ZC2HC1A: variants seen among roughly 807,000 people sequenced by gnomAD.
The protein encoded by ZC2HC1A is zinc finger C2HC domain-containing protein 1A.
ZC2HC1A carries 28 observed loss-of-function variants against 40.7 expected under a neutral mutation model. That is an observed-to-expected ratio of 0.69 (90% CI 0.51 to 0.94). The LOEUF is 0.94. ZC2HC1A is among the 40% of genes least tolerant of loss of function. The probability of loss-of-function intolerance (pLI) is 0.00; values close to 1 mark genes in which losing one functional copy is unlikely to be tolerated. For synonymous variants in ZC2HC1A, 129 were observed against 129.2 expected (o/e 1.00, Z 0.01); for missense variants, 389 against 386.3 (o/e 1.01, Z -0.06).
At chr8:78,685,467 C>T (rs1809939836) in intron 3 of ZC2HC1A, among the ~76,000 whole-genome samples, 1 of 152,118 alleles carries the variant, frequency 6.6e-6, no homozygotes, top group African/African-American at 2.4e-5. Context: ...GTAATTAAAA[C>T]ATAATTATGC....
At chr8:78,710,763 T>G (rs1025628912) in intron 7 of ZC2HC1A, among the ~76,000 whole-genome samples, 3 of 152,080 alleles carry the variant, frequency 2.0e-5, no homozygotes, top group African/African-American at 7.2e-5. Context: ...TTTAAAATAT[T>G]TTAGAAATTT....
intron 7 of ZC2HC1A, among the ~76,000 whole-genome samples, chr8:78,704,152 C>T (rs551532602): frequency 3.1e-4 from 47 of 152,014 alleles, no homozygotes; most frequent in African/African-American, 5.5e-4. Context: ...GAGACCGAGG[C>T]GAGCGGATCA....
intron 1 of ZC2HC1A, among the ~76,000 whole-genome samples, chr8:78,668,243 A>G (rs1809356175): frequency 6.6e-6 from 1 of 152,088 alleles, no homozygotes; most frequent in Non-Finnish European, 1.5e-5. Context: ...TAATTCATCC[A>G]TTCTTTCATT....
intron 1 of ZC2HC1A, among the ~76,000 whole-genome samples, chr8:78,670,883 G>C (rs1351539967): frequency 1.3e-5 from 2 of 152,168 alleles, no homozygotes; most frequent in Admixed American, 1.3e-4. Context: ...TCTAGGATGA[G>C]CTGAAAAGGG....
At chr8:78,678,447 A>G (rs1190223819) in intron 2 of ZC2HC1A, 116 bp from the exon 3 acceptor site, 2 of 716,320 alleles carry the variant, frequency 2.8e-6, no homozygotes, top group Admixed American at 2.6e-5. Flanking sequence ...ATTATTTTGT[A>G]TTCAGGTTTT....
At chr8:78,680,480 T>C (rs1441197285) in intron 3 of ZC2HC1A, among the ~76,000 whole-genome samples, 1 of 152,064 alleles carries the variant, frequency 6.6e-6, no homozygotes, top group African/African-American at 2.4e-5. Flanking sequence ...AGAACATCCT[T>C]GGGTGAGTCG....
intron 1 of ZC2HC1A, among the ~76,000 whole-genome samples, chr8:78,670,718 A>G (rs569209220): frequency 1.3e-5 from 2 of 152,176 alleles, no homozygotes; most frequent in Non-Finnish European, 2.9e-5. Flanking sequence ...GTAGAATTCT[A>G]TGGTTAAAGA....
At chr8:78,697,610 T>C in intron 6 of ZC2HC1A, 104 bp downstream of exon 6, 1 of 795,572 alleles carries the variant, frequency 1.3e-6, no homozygotes, top group Non-Finnish European at 2.0e-6. Flanking sequence ...AGATTTATAA[T>C]TAAGAAGAGA....
Position 78,686,505 on chromosome 8 carries a change from A to G in ZC2HC1A, c.249A>G (p.Lys83=), listed in dbSNP as rs577125290. The G allele has an allele frequency of 8.4e-6, 13 of 1,544,442 alleles. No individual in the cohort carries two copies. In the African/African-American group the frequency reaches 1.4e-4, roughly 17 times the overall value. Residue 83 remains lysine, a synonymous_variant, in exon 4 of 9, where the codon AAA becomes AAG. Transcript: ENST00000263849. ...PPKKPSNWRR[K]HEEFIATIRA... The stretch of plus-strand genomic sequence containing the variant: ...AGAAACCATCTAATTGGAGAAGGAA[A>G]CATGAAGAATTCATTGCTACCATAA...
chr8:78,689,280 T>TA lies in ZC2HC1A; in HGVS notation c.412dup (p.Ile138AsnfsTer5). 1 of 1,601,090 alleles carries TA rather than the reference T, an allele frequency of 6.2e-7. No homozygotes were observed. Among genetic ancestry groups the TA allele is most frequent in the Non-Finnish European group, 8.5e-7 (1 of 1,173,580 alleles). On this transcript the variant is annotated frameshift_variant, in exon 5 of 9. Transcript: ENST00000263849. LOFTEE classifies it high-confidence loss of function. Reference sequence around the variant, plus strand: ...TCAATGAAAATGCAGCTGATAGACATATAAATTTCTGTAAAGAACAGGCAG... The same window carrying TA: ...TCAATGAAAATGCAGCTGATAGACATAATAAATTTCTGTAAAGAACAGGCAG...
At chr8:78,705,819 A>G (rs534760441) in intron 7 of ZC2HC1A, among the ~76,000 whole-genome samples, 1 of 151,984 alleles carries the variant, frequency 6.6e-6, no homozygotes, top group East Asian at 1.9e-4. Context: ...TCCAGTGAGG[A>G]GGGGCAATAT....
At chr8:78,677,907 T>C (rs1193344854) in intron 2 of ZC2HC1A, among the ~76,000 whole-genome samples, 1 of 152,170 alleles carries the variant, frequency 6.6e-6, no homozygotes, top group East Asian at 1.9e-4. Context: ...ACTTTTATGG[T>C]TATTTCTTGA....
At chr8:78,696,434 C>G (rs1333181413) in intron 5 of ZC2HC1A, among the ~76,000 whole-genome samples, 2 of 152,130 alleles carry the variant, frequency 1.3e-5, no homozygotes, top group Admixed American at 1.3e-4. Context: ...AAGCATTGGG[C>G]TAGAACCAGC....
Position 78,678,666 on chromosome 8 carries a change from C to T in ZC2HC1A, c.197C>T (p.Pro66Leu), listed in dbSNP as rs139362657. The change falls in exon 3 of 9, where the codon CCT becomes CTT. Residue 66 changes from proline (P) to leucine (L), a missense_variant. Physicochemically the swap from Pro to Leu is moderately conservative, Grantham distance 98. Coordinates refer to ENST00000263849, the MANE Select transcript of ZC2HC1A (RefSeq NM_016010.3). ...AEGTDIPTVK[P>L]LKPRPEPPKK... ...GGAACTGATATTCCAACAGTAAAAC[C>T]TCTCAAACCGAGGGTAACTATATAA... 5.6e-6 allele frequency: 9 copies of T among 1,606,914 alleles called. No individual in the cohort carries two copies. Among genetic ancestry groups the T allele is most frequent in the Non-Finnish European group, 7.6e-6 (9 of 1,177,546 alleles).
At chr8:78,715,615 A>G (rs1481165542) in intron 8 of ZC2HC1A, among the ~76,000 whole-genome samples, 2 of 152,204 alleles carry the variant, frequency 1.3e-5, no homozygotes, top group Non-Finnish European at 1.5e-5. Flanking sequence ...TCCAAACTTC[A>G]TGGATGACTT....
chr8:78,681,661 G>A (rs1809783563), intron 3 of ZC2HC1A, among the ~76,000 whole-genome samples: 1 of 152,152 alleles, frequency 6.6e-6, no homozygotes, highest in East Asian at 1.9e-4. Context: ...AAAATTAAAG[G>A]TAGCTGAGCC....
Position 78,717,618 on chromosome 8 carries a change from T to G in ZC2HC1A, c.*125T>G, listed in dbSNP as rs1390550039. On this transcript the variant is annotated 3_prime_UTR_variant, in exon 9 of 9. Transcript: ENST00000263849. Reference sequence around the variant, plus strand: ...CTCGAAATACCATTTCCAGTTAATTTTGAAGTGTAATCTTTTGGCTATATA... The same window carrying G: ...CTCGAAATACCATTTCCAGTTAATTGTGAAGTGTAATCTTTTGGCTATATA... 44 of 1,101,298 alleles carry G rather than the reference T, an allele frequency of 4.0e-5. No individual in the cohort carries two copies. Among genetic ancestry groups the G allele is most frequent in the Non-Finnish European group, 5.6e-5 (44 of 790,488 alleles). The allele number at this position is 1,101,298 out of a possible 1,614,324, so 68.2% of individuals were successfully genotyped here.
chr8:78,686,656 T>C (rs1809984927), intron 4 of ZC2HC1A, 48 bp downstream of exon 4: 2 of 1,406,900 alleles, frequency 1.4e-6, no homozygotes, highest in Admixed American at 2.7e-5. Flanking sequence ...AAGAAAATAA[T>C]GATAGAGTTT....
chr8:78,677,625 T>C (rs890791555), intron 2 of ZC2HC1A, among the ~76,000 whole-genome samples: 2 of 151,972 alleles, frequency 1.3e-5, no homozygotes, highest in East Asian at 1.9e-4. Context: ...TTCTAGTATC[T>C]ATGTTCAGGC....
Sources: gnomAD v4.1 joint callset for allele counts (sites outside exome capture counted in the v4.1 genomes callset) on GRCh38, gnomAD v4.1.1 for gene constraint, MANE v1.5 for transcripts, NCBI Gene and HGNC (gene_info 2026-07-23, HGNC 2026-07-21) for gene names.